The following ESRRG variants were observed in gnomAD, a reference collection of about 807,000 sequenced individuals.
ESRRG encodes estrogen related receptor gamma.
ESRRG carries 13 observed loss-of-function variants against 44.0 expected under a neutral mutation model. The observed-to-expected ratio is 0.30, with a 90% CI of 0.19 to 0.47. The LOEUF is 0.47. Ranked by LOEUF, ESRRG falls within the 20% of genes least tolerant of loss-of-function variation. The pLI is 1.00. For missense variants in ESRRG, 395 were observed against 580.6 expected (o/e 0.68, Z 3.29); for synonymous variants, 215 against 214.6 (o/e 1.00, Z -0.02).
At chr1:216,694,028 A>G (rs2079599941) in intron 1 of ESRRG, among the ~76,000 whole-genome samples, 1 of 152,214 alleles carries the variant, frequency 6.6e-6, no homozygotes, top group Non-Finnish European at 1.5e-5. Context: ...ACAAAACAAA[A>G]CAAAACCCAA....
chr1:216,892,375 T>C (rs1485901057), intron 2 of ESRRG, among the ~76,000 whole-genome samples: 3 of 152,150 alleles, frequency 2.0e-5, no homozygotes, highest in African/African-American at 7.2e-5. Context: ...TGATTTTTGG[T>C]CCCTGGAGCC....
intron 2 of ESRRG, among the ~76,000 whole-genome samples, chr1:216,661,338 C>T (rs1386641171): frequency 6.6e-6 from 1 of 152,110 alleles, no homozygotes; most frequent in African/African-American, 2.4e-5. Context: ...GCTCTCTATC[C>T]AACATCAATT....
intron 2 of ESRRG, among the ~76,000 whole-genome samples, chr1:216,832,115 C>T (rs1017133941): frequency 1.4e-4 from 22 of 152,158 alleles, no homozygotes; most frequent in African/African-American, 4.8e-4. Flanking sequence ...GTCTTATGAG[C>T]AAGCGCTACA....
upstream of ESRRG, among the ~76,000 whole-genome samples, chr1:217,092,152 C>T (rs1483204162): frequency 6.6e-6 from 1 of 152,104 alleles, no homozygotes; most frequent in Non-Finnish European, 1.5e-5. Context: ...TCTCTAAATC[C>T]AACTCTGCCT....
At chr1:216,767,235 T>C (rs933819030) in intron 2 of ESRRG, among the ~76,000 whole-genome samples, 4 of 151,998 alleles carry the variant, frequency 2.6e-5, no homozygotes, top group African/African-American at 9.7e-5. Context: ...TGAAGTTACA[T>C]TGGCTTCTAA....
At chr1:216,831,698 T>C (rs1029744403) in intron 2 of ESRRG, among the ~76,000 whole-genome samples, 1 of 152,166 alleles carries the variant, frequency 6.6e-6, no homozygotes, top group Non-Finnish European at 1.5e-5. Flanking sequence ...CATTTGGATA[T>C]AGCCAATTCC....
At chr1:216,859,822 C>T (rs1339078249) in intron 2 of ESRRG, among the ~76,000 whole-genome samples, 1 of 152,154 alleles carries the variant, frequency 6.6e-6, no homozygotes. Flanking sequence ...TACAAAATAT[C>T]CAACATATGA....
chr1:217,104,177 G>T (rs1056263312), intron 1 of ESRRG, among the ~76,000 whole-genome samples: 1 of 152,154 alleles, frequency 6.6e-6, no homozygotes, highest in African/African-American at 2.4e-5. Context: ...AGAAGAAAAT[G>T]ATCTAAGTCA....
chr1:216,586,540 C>T (rs547264217), intron 3 of ESRRG, among the ~76,000 whole-genome samples: 77 of 149,620 alleles, frequency 5.1e-4, no homozygotes, highest in African/African-American at 1.8e-3. Context: ...GTGTCAACTT[C>T]TTCTCATACA....
chr1:216,846,019 C>T (rs1476564709), intron 2 of ESRRG, among the ~76,000 whole-genome samples: 3 of 152,036 alleles, frequency 2.0e-5, no homozygotes, highest in African/African-American at 4.8e-5. Flanking sequence ...ACCACTTAAC[C>T]GTATTCATTC....
chr1:216,634,392 G>A (rs191754977), intron 3 of ESRRG, among the ~76,000 whole-genome samples: 1 of 140,528 alleles, frequency 7.1e-6, no homozygotes, highest in East Asian at 2.4e-4. Context: ...AAGATGGGCA[G>A]TGGGCTTTTA....
intron 2 of ESRRG, among the ~76,000 whole-genome samples, chr1:216,893,319 T>A (rs372348678): frequency 2.0e-5 from 3 of 152,132 alleles, no homozygotes; most frequent in African/African-American, 7.2e-5. Context: ...TTACTCAACA[T>A]CTACACCATC....
chr1:216,831,268 T>G (rs182751712), intron 2 of ESRRG, among the ~76,000 whole-genome samples: 2 of 152,118 alleles, frequency 1.3e-5, no homozygotes, highest in South Asian at 4.1e-4. Flanking sequence ...TTAATTAAAA[T>G]AAAATGAAGC....
At chr1:216,590,043 AAGTG>A (rs766284430) in intron 3 of ESRRG, among the ~76,000 whole-genome samples, 1 of 151,976 alleles carries the variant, frequency 6.6e-6, no homozygotes, top group Non-Finnish European at 1.5e-5. Flanking sequence ...TAAAACTTAA[AAGTG>A]AGTATCTTAA....
chr1:217,113,567 A>G (rs1393515795), intron 1 of ESRRG, among the ~76,000 whole-genome samples: 2 of 152,186 alleles, frequency 1.3e-5, no homozygotes, highest in South Asian at 4.1e-4. Flanking sequence ...AACCAATGCT[A>G]CAATAGAAAG....
At chr1:216,846,951 C>T (rs923570189) in intron 2 of ESRRG, among the ~76,000 whole-genome samples, 1 of 151,994 alleles carries the variant, frequency 6.6e-6, no homozygotes, top group Non-Finnish European at 1.5e-5. Flanking sequence ...TGCAACAGTG[C>T]AGTCACTAAA....
intron 6 of ESRRG, among the ~76,000 whole-genome samples, chr1:216,515,396 C>T (rs188143856): frequency 6.6e-6 from 1 of 152,140 alleles, no homozygotes; most frequent in Admixed American, 6.6e-5. Context: ...AATGAAAACA[C>T]ACTAAGTCAA....
chr1:217,016,938 A>G (rs538260694), intron 1 of ESRRG, among the ~76,000 whole-genome samples: 68 of 152,322 alleles, frequency 4.5e-4, no homozygotes, highest in African/African-American at 1.5e-3. Context: ...TGAAAATCCA[A>G]TAAGTAAACT....
intron 1 of ESRRG, among the ~76,000 whole-genome samples, chr1:217,067,781 GA>G (rs1283370133): frequency 2.6e-5 from 4 of 152,104 alleles, no homozygotes; most frequent in Non-Finnish European, 5.9e-5. Flanking sequence ...TCATGTGAGA[GA>G]AGACACACAT....
Sources: gnomAD v4.1 joint callset for allele counts (sites outside exome capture counted in the v4.1 genomes callset) on GRCh38, gnomAD v4.1.1 for gene constraint, MANE v1.5 for transcripts, NCBI Gene and HGNC (gene_info 2026-07-23, HGNC 2026-07-21) for gene names.